Variants in SLC25A48 observed in about 807,000 individuals in gnomAD.
SLC25A48 encodes CTC-321K16.1.
A neutral mutation model predicts 32.2 loss-of-function variants in SLC25A48; 29 were observed. That is an observed-to-expected ratio of 0.90 (90% confidence interval 0.67 to 1.23). SLC25A48 has a LOEUF of 1.23. SLC25A48 is among the 50% of genes most tolerant of loss of function. The pLI is 0.00. For synonymous variants in SLC25A48, 164 were observed against 172.3 expected (o/e 0.95, Z 0.38); for missense variants, 399 against 422.7 (o/e 0.94, Z 0.49).
At chr5:135,671,730 C>T (rs192771252) in intron 3 of SLC25A48, 7 of 152,312 alleles carry the variant, frequency 4.6e-5, no homozygotes, top group Non-Finnish European at 7.3e-5. Context: ...AACATCAGAG[C>T]CTTTTAACAA....
chr5:135,762,719 A>G (rs1267502801), intron 3 of SLC25A48, among the ~76,000 whole-genome samples: 1 of 152,092 alleles, frequency 6.6e-6, no homozygotes, highest in East Asian at 1.9e-4. Context: ...GTGCGTGTGT[A>G]AGTTGAATAT....
At chr5:135,697,081 G>A (rs1754284541) in intron 3 of SLC25A48, among the ~76,000 whole-genome samples, 1 of 151,880 alleles carries the variant, frequency 6.6e-6, no homozygotes, top group South Asian at 2.1e-4. Flanking sequence ...TATAATTATG[G>A]TTTTGAAAAA....
chr5:135,746,432 A>C (rs756627735), intron 3 of SLC25A48: 2 of 203,712 alleles, frequency 9.8e-6, no homozygotes, highest in Non-Finnish European at 2.0e-5. Flanking sequence ...TCCTCCAGGA[A>C]CTCACGTGAG....
chr5:135,587,211 T>C (rs1463946731), intron 1 of SLC25A48, among the ~76,000 whole-genome samples: 2 of 152,162 alleles, frequency 1.3e-5, no homozygotes, highest in Non-Finnish European at 2.9e-5. Context: ...TTAAATTTTC[T>C]TGTAGAGACG....
At chr5:135,771,010 T>G (rs1343903392) in intron 3 of SLC25A48, among the ~76,000 whole-genome samples, 1 of 151,866 alleles carries the variant, frequency 6.6e-6, no homozygotes, top group Non-Finnish European at 1.5e-5. Context: ...ATATTACTCC[T>G]AATATTGCAG....
rs34301836 is a variant in SLC25A48, at chr5:135,759,829, C to CT, written c.-520-52676dup. Among the ~76,000 whole-genome samples, 1,178 of 119,488 alleles carry CT rather than the reference C, an allele frequency of 9.9e-3. 13 individuals are homozygous for CT. Among genetic ancestry groups the CT allele is most frequent in the Non-Finnish European group, 0.015 (835 of 55,382 alleles). 78.4% of individuals were successfully genotyped at this position (119,488 alleles called of 152,430 possible). A position where few individuals can be genotyped will look rare whatever the true frequency, so the allele number is the denominator to read the frequency against. The stretch of plus-strand genomic sequence containing the variant: ...GTATTTTTTACTTGTTATATATCAT[C>CT]TTTTTTTTTTTTTTTTTTGAGACAG... On this transcript the variant is annotated intron_variant, in intron 3 of 10. Coordinates refer to the SLC25A48 transcript ENST00000646290.
intron 3 of SLC25A48, among the ~76,000 whole-genome samples, chr5:135,709,972 T>G (rs1274285333): frequency 1.3e-5 from 2 of 152,184 alleles, no homozygotes; most frequent in Non-Finnish European, 2.9e-5. Context: ...CCAATTCCTG[T>G]GGGGTAAATT....
intron 1 of SLC25A48, among the ~76,000 whole-genome samples, chr5:135,617,839 T>G (rs182752875): frequency 6.6e-6 from 1 of 152,164 alleles, no homozygotes; most frequent in Non-Finnish European, 1.5e-5. Context: ...AAAAAAAGTT[T>G]TTTGAGACTT....
chr5:135,811,814 G>A (rs1428300748), intron 3 of SLC25A48, among the ~76,000 whole-genome samples: 2 of 152,200 alleles, frequency 1.3e-5, no homozygotes, highest in African/African-American at 4.8e-5. Flanking sequence ...AGGTGCAGTG[G>A]CTCATGCCTA....
At chr5:135,708,092 C>T (rs1174508877) in intron 3 of SLC25A48, among the ~76,000 whole-genome samples, 2 of 152,144 alleles carry the variant, frequency 1.3e-5, no homozygotes, top group African/African-American at 4.8e-5. Flanking sequence ...TGACATGCAC[C>T]CGCCAGCCTT....
Position 135,788,115 on chromosome 5 carries a change from T to A in SLC25A48, c.-520-24408T>A, listed in dbSNP as rs955280581. On this transcript the variant is annotated intron_variant, in intron 3 of 10. Coordinates refer to the SLC25A48 transcript ENST00000646290. ...GGGGAGACGGTGATATTGCTCCCCA[T>A]GTGGCGAGGGGTGTACATTCCCCTG... Among the ~76,000 whole-genome samples, 3 of 152,000 alleles carry A rather than the reference T, an allele frequency of 2.0e-5. No homozygotes were observed. In the South Asian group the frequency reaches 6.2e-4, roughly 32 times the overall value.
At chr5:135,724,053 T>G (rs1047490899) in intron 3 of SLC25A48, among the ~76,000 whole-genome samples, 2 of 152,282 alleles carry the variant, frequency 1.3e-5, no homozygotes, top group East Asian at 3.9e-4. Context: ...CTTGCACACA[T>G]GGTTTTGTCT....
intron 4 of SLC25A48, among the ~76,000 whole-genome samples, chr5:135,868,637 T>A (rs1761394572): frequency 6.6e-6 from 1 of 150,518 alleles, no homozygotes. Flanking sequence ...TATGTATGAA[T>A]GTGTAAAAAT....
At chr5:135,779,854 C>A (rs1756677178) in intron 3 of SLC25A48, among the ~76,000 whole-genome samples, 1 of 115,592 alleles carries the variant, frequency 8.7e-6, no homozygotes, top group South Asian at 3.1e-4. Context: ...TTCCTAATAT[C>A]CAGGAAGGGG....
chr5:135,630,760 C>T (rs1257190185), intron 2 of SLC25A48, among the ~76,000 whole-genome samples: 1 of 151,866 alleles, frequency 6.6e-6, no homozygotes, highest in Non-Finnish European at 1.5e-5. Context: ...TGCCACCAAG[C>T]CTGGCTAATT....
intron 1 of SLC25A48, among the ~76,000 whole-genome samples, chr5:135,600,581 C>T (rs1291288956): frequency 2.6e-5 from 4 of 152,180 alleles, no homozygotes; most frequent in African/African-American, 9.7e-5. Context: ...GGAATGCCTC[C>T]TCCTTCAGGG....
At chr5:135,626,934 T>C (rs1752453091) in intron 1 of SLC25A48, among the ~76,000 whole-genome samples, 1 of 152,208 alleles carries the variant, frequency 6.6e-6, no homozygotes, top group African/African-American at 2.4e-5. Context: ...GCCACCCACC[T>C]TGGCCTGCTG....
chr5:135,761,937 C>G (rs1326870245), intron 3 of SLC25A48, among the ~76,000 whole-genome samples: 1 of 152,224 alleles, frequency 6.6e-6, no homozygotes, highest in Non-Finnish European at 1.5e-5. Flanking sequence ...TGTTTTAAGA[C>G]AGCTGCTTGA....
intron 1 of SLC25A48, among the ~76,000 whole-genome samples, chr5:135,841,076 A>G (rs1019240560): frequency 1.3e-5 from 2 of 152,184 alleles, no homozygotes; most frequent in Non-Finnish European, 2.9e-5. Context: ...CCTTGCCAAC[A>G]GTTCTTTTCC....
Sources: gnomAD v4.1 joint callset for allele counts (sites outside exome capture counted in the v4.1 genomes callset) on GRCh38, gnomAD v4.1.1 for gene constraint, MANE v1.5 for transcripts, NCBI Gene and HGNC (gene_info 2026-07-23, HGNC 2026-07-21) for gene names.